HECW2: variants seen among roughly 807,000 people sequenced by gnomAD.
HECW2 encodes HECT, C2 and WW domain containing E3 ubiquitin protein ligase 2, also known as E3 ubiquitin-protein ligase HECW2.
In HECW2, 61 loss-of-function variants were observed where a neutral mutation model predicts 175.2. That is an observed-to-expected ratio of 0.35 (90% CI 0.28 to 0.43). The LOEUF (loss-of-function observed/expected upper bound fraction) is 0.43, where lower values mean the gene tolerates loss of function less well. HECW2 is among the 20% of genes least tolerant of loss of function. The probability of loss-of-function intolerance (pLI) is 1.00; values close to 1 mark genes in which losing one functional copy is unlikely to be tolerated. For synonymous variants in HECW2, 671 were observed against 731.0 expected, an observed-to-expected ratio of 0.92 and a Z score of 1.32; for missense variants, 1,524 against 2,000.5, an observed-to-expected ratio of 0.76 and a Z score of 4.54.
chr2:196,294,169 AAAG>A (rs140129342), intron 13 of HECW2, among the ~76,000 whole-genome samples: 5,185 of 152,284 alleles, frequency 0.034, 263 homozygotes, highest in African/African-American at 0.12. Context: ...TATGATATTT[AAAG>A]AAGATTCCAC....
intron 2 of HECW2, among the ~76,000 whole-genome samples, chr2:196,351,478 C>G (rs767951600): frequency 1.3e-5 from 2 of 151,946 alleles, no homozygotes; most frequent in East Asian, 1.9e-4. Context: ...AACCTCCATA[C>G]GGTACTTGAA....
intron 2 of HECW2, among the ~76,000 whole-genome samples, chr2:196,391,786 C>T (rs1164490479): frequency 6.6e-6 from 1 of 152,150 alleles, no homozygotes; most frequent in Non-Finnish European, 1.5e-5. Context: ...AAGGTGTTAG[C>T]AAGCCATCCT....
At chr2:196,313,227 AG>A (rs1292059773) in intron 10 of HECW2, among the ~76,000 whole-genome samples, 1 of 152,188 alleles carries the variant, frequency 6.6e-6, no homozygotes, top group African/African-American at 2.4e-5. Context: ...AGTTTTTCAG[AG>A]GGGCTGGGCT....
intron 16 of HECW2, among the ~76,000 whole-genome samples, chr2:196,271,866 A>G (rs1689753140): frequency 6.6e-6 from 1 of 152,218 alleles, no homozygotes; most frequent in Non-Finnish European, 1.5e-5. Context: ...TTACATTCCA[A>G]TTTGTATCTA....
chr2:196,233,008 A>T (rs144390882), intron 21 of HECW2, among the ~76,000 whole-genome samples: 1 of 152,242 alleles, frequency 6.6e-6, no homozygotes, highest in Admixed American at 6.5e-5. Context: ...AGCAGGTTGT[A>T]GATTACAATT....
chr2:196,519,756 C>T (rs149541739), intron 1 of HECW2, among the ~76,000 whole-genome samples: 6 of 152,264 alleles, frequency 3.9e-5, no homozygotes, highest in South Asian at 2.1e-4. Context: ...CAAGAAAATA[C>T]GTGTAATGGC....
chr2:196,342,270 G>A (rs1692781229), intron 3 of HECW2, among the ~76,000 whole-genome samples: 1 of 151,822 alleles, frequency 6.6e-6, no homozygotes, highest in Admixed American at 6.6e-5. Flanking sequence ...TGGGCGTGGT[G>A]GTGCATGACT....
At chr2:196,420,603 C>G (rs2125245197) in intron 2 of HECW2, among the ~76,000 whole-genome samples, 1 of 152,256 alleles carries the variant, frequency 6.6e-6, no homozygotes, top group Middle Eastern at 3.4e-3. Context: ...TTTGGTAAAC[C>G]AACAAGGATT....
Position 196,518,670 on chromosome 2 carries a change from A to C in HECW2, c.-36+74838T>G, listed in dbSNP as rs1575626770. Among the ~76,000 whole-genome samples the C allele has an allele frequency of 2.0e-5, 3 of 151,922 alleles. No homozygotes were observed. In the Middle Eastern group the frequency reaches 0.01, roughly 517 times the overall value. On this transcript the variant is annotated intron_variant, in intron 1 of 28. Transcript: ENST00000644978. ...ATTCTGTCTCAAAAAAAAAAAAAAAAAAAAAAAACCCTTTAGAGAATTCTG... is the reference window on the plus strand; with the variant it reads ...ATTCTGTCTCAAAAAAAAAAAAAAACAAAAAAAACCCTTTAGAGAATTCTG...
At chr2:196,314,676 C>CA in intron 10 of HECW2, among the ~76,000 whole-genome samples, 1 of 152,124 alleles carries the variant, frequency 6.6e-6, no homozygotes, top group East Asian at 1.9e-4. Context: ...ATTGAAAGAA[C>CA]AAAAAATAAA....
At position 196,220,870 on chromosome 2, in the gene HECW2, G is replaced by A. The variant is rs1044536069; in HGVS notation, c.4218C>T (p.Ile1406=). 1.9e-6 allele frequency: 3 copies of A among 1,613,842 alleles called. No individual in the cohort carries two copies. The highest frequency in any genetic ancestry group is 2.7e-5 in the African/African-American group (2 of 74,872). ...CAATCCTCCACTTCACCATCCTCTC[G>A]ATGTACTCCTTCTTGTTCTTCTCTG... ...PVTEKNKKEY[I]ERMVKWRIER... The change falls in exon 25 of 29, where the codon ATC becomes ATT. Residue 1406 remains isoleucine (I), a synonymous_variant. Coordinates refer to ENST00000644978, the MANE Select transcript of HECW2 (RefSeq NM_001348768.2).
intron 7 of HECW2, among the ~76,000 whole-genome samples, chr2:196,321,023 G>A (rs1691921477): frequency 6.6e-6 from 1 of 152,234 alleles, no homozygotes; most frequent in African/African-American, 2.4e-5. Flanking sequence ...AGCAGCCCTG[G>A]CTGTGTGATG....
chr2:196,523,720 T>A (rs1462223834), intron 1 of HECW2, among the ~76,000 whole-genome samples: 1 of 151,710 alleles, frequency 6.6e-6, no homozygotes, highest in African/African-American at 2.4e-5. Context: ...TTTTTCTGCA[T>A]CTATTCAGAT....
At chr2:196,446,399 T>TTC (rs2125299475) in intron 1 of HECW2, among the ~76,000 whole-genome samples, 1 of 152,322 alleles carries the variant, frequency 6.6e-6, no homozygotes, top group East Asian at 1.9e-4. Flanking sequence ...CATATTGTAA[T>TTC]ATACAGTATG....
rs140526470 is a variant in HECW2 at position 196,384,706 on chromosome 2, ACATT to A, written c.293-40946_293-40943del. On this transcript the variant is annotated intron_variant, in intron 2 of 28. Transcript: ENST00000644978. ...TTATTGCCCCTCCCTAGTATTTTTT[ACATT>A]CATTCATTATGACATCCTGAATTAA... 3.9e-3 allele frequency among the ~76,000 whole-genome samples: 589 copies of A among 152,346 alleles called. 4 individuals carry two copies. The highest frequency in any genetic ancestry group is 0.013 in the African/African-American group (554 of 41,588).
intron 3 of HECW2, 123 bp downstream of exon 3, chr2:196,343,534 A>AT (rs1354147284): frequency 3.0e-6 from 2 of 661,220 alleles, no homozygotes; most frequent in African/African-American, 3.7e-5. Flanking sequence ...ATTTTCCATC[A>AT]TGGCATAAAT....
chr2:196,308,195 A>G (rs1214493306), intron 10 of HECW2, 110 bp from the exon 11 acceptor site: 3 of 743,928 alleles, frequency 4.0e-6, no homozygotes, highest in African/African-American at 1.7e-5. Flanking sequence ...ATAATCTGAG[A>G]CTAATAACAT....
intron 18 of HECW2, among the ~76,000 whole-genome samples, chr2:196,254,794 T>C (rs1688989581): frequency 6.6e-6 from 1 of 152,222 alleles, no homozygotes; most frequent in Non-Finnish European, 1.5e-5. Flanking sequence ...CTCTTACAAA[T>C]CTAATACTGT....
chr2:196,253,178 C>T (rs926321590), intron 19 of HECW2, among the ~76,000 whole-genome samples: 2 of 152,202 alleles, frequency 1.3e-5, no homozygotes, highest in Admixed American at 1.3e-4. Flanking sequence ...AAAGAACATA[C>T]AGCAGCTTAG....
Sources: allele counts gnomAD v4.1 joint callset (sites outside exome capture counted in the v4.1 genomes callset), GRCh38; gene constraint gnomAD v4.1.1; transcripts MANE v1.5; gene names NCBI Gene and HGNC (gene_info 2026-07-23, HGNC 2026-07-21).